Variants in IGF2BP1 observed in about 807,000 individuals in gnomAD.
IGF2BP1 encodes insulin-like growth factor 2 mRNA-binding protein 1.
A neutral mutation model predicts 74.9 loss-of-function variants in IGF2BP1; 11 were observed. The observed-to-expected ratio is 0.15, with a 90% CI of 0.09 to 0.24. IGF2BP1 has a LOEUF of 0.24. Among genes scored for constraint, IGF2BP1 ranks in the 10% least tolerant of loss-of-function variants. IGF2BP1 has a pLI of 1.00. For missense variants in IGF2BP1, 440 were observed against 757.4 expected, an observed-to-expected ratio of 0.58 and a Z score of 4.92; for synonymous variants, 287 against 281.8, an observed-to-expected ratio of 1.02 and a Z score of -0.18.
intron 2 of IGF2BP1, among the ~76,000 whole-genome samples, chr17:49,015,321 C>CCG (rs1567813517): frequency 1.3e-5 from 2 of 152,134 alleles, no homozygotes; most frequent in African/African-American, 4.8e-5. Context: ...GCATCTCCAC[C>CCG]GGGGGCGAGT....
chr17:49,008,172 C>CAAAAAAAAAAAAAA (rs78718299), intron 2 of IGF2BP1, among the ~76,000 whole-genome samples: 1 of 90,234 alleles, frequency 1.1e-5, no homozygotes. Flanking sequence ...AATTCCATCT[C>CAAAAAAAAAAAAAA]AAAAAAAAAA....
At chr17:49,034,764 A>AC (rs1491163794) in intron 5 of IGF2BP1, among the ~76,000 whole-genome samples, 24 of 143,646 alleles carry the variant, frequency 1.7e-4, no homozygotes, top group Admixed American at 2.0e-4. Flanking sequence ...AACAAAAAAA[A>AC]CAAAAAAAAC....
chr17:49,035,168 A>T (rs1454711246), intron 5 of IGF2BP1, among the ~76,000 whole-genome samples: 1 of 152,236 alleles, frequency 6.6e-6, no homozygotes, highest in Non-Finnish European at 1.5e-5. Flanking sequence ...TTTTCACACA[A>T]AGTGCTAAAA....
intron 5 of IGF2BP1, among the ~76,000 whole-genome samples, chr17:49,033,979 T>C (rs1220873741): frequency 4.0e-5 from 6 of 151,706 alleles, no homozygotes; most frequent in African/African-American, 1.2e-4. Flanking sequence ...ACCACCATGC[T>C]GGGCCAATTT....
intron 5 of IGF2BP1, among the ~76,000 whole-genome samples, chr17:49,034,759 A>AAC (rs2041967264): frequency 5.0e-5 from 7 of 140,942 alleles, no homozygotes; most frequent in African/African-American, 2.0e-4. Context: ...AAAAAAACAA[A>AAC]AAAAACAAAA....
At chr17:49,021,715 G>A (rs540489870) in intron 2 of IGF2BP1, among the ~76,000 whole-genome samples, 1 of 152,302 alleles carries the variant, frequency 6.6e-6, no homozygotes, top group Admixed American at 6.5e-5. Flanking sequence ...AGGGACTAAT[G>A]AACTCAGAGT....
In IGF2BP1 at chr17:49,005,660, G is replaced by A. The variant is rs376854031; in HGVS notation, c.236+6491G>A. On this transcript the variant is annotated intron_variant, in intron 2 of 14. Coordinates refer to ENST00000290341, the MANE Select transcript of IGF2BP1 (RefSeq NM_006546.4). ...TCTCTTTCCCTTTCTACCATGTCTG[G>A]TTAGTGGATTCTAGTCAATCCTCTC... Among the ~76,000 whole-genome samples the A allele has an allele frequency of 2.6e-5, 4 of 152,272 alleles. No individual in the cohort carries two copies. In the East Asian group the frequency reaches 5.8e-4, roughly 22 times the overall value.
intron 2 of IGF2BP1, among the ~76,000 whole-genome samples, chr17:49,005,526 A>G (rs1188462283): frequency 6.6e-6 from 1 of 152,142 alleles, no homozygotes; most frequent in Non-Finnish European, 1.5e-5. Context: ...CATGTAAGGG[A>G]TGGTGTCTGA....
At position 49,040,059 on chromosome 17, in the gene IGF2BP1, G is replaced by A; in HGVS notation, c.786G>A (p.Glu262=). Residue 262 remains glutamate, a synonymous_variant, in exon 7 of 15, where the codon GAG becomes GAA. Transcript: ENST00000290341. ...GCSSACKMIL[E]IMHKEAKDTK... ...CCTCCGCTTGTAAGATGATCTTGGA[G>A]ATTATGCATAAAGAGGCTAAGGACA... 1.9e-6 allele frequency: 3 copies of A among 1,614,126 alleles called. No homozygotes were observed. Among genetic ancestry groups the A allele is most frequent in the Non-Finnish European group, 2.5e-6 (3 of 1,180,028 alleles).
intron 2 of IGF2BP1, among the ~76,000 whole-genome samples, chr17:49,009,592 C>T (rs550879539): frequency 4.1e-4 from 62 of 151,462 alleles, no homozygotes; most frequent in African/African-American, 1.4e-3. Context: ...GCCTGTAATC[C>T]CAGCAACTCT....
At position 49,046,315 on chromosome 17, in the gene IGF2BP1, C is replaced by A; in HGVS notation, c.1583C>A (p.Thr528Asn). 1 of 1,614,132 alleles carries A rather than the reference C, an allele frequency of 6.2e-7. No individual in the cohort carries two copies. The highest frequency in any genetic ancestry group is 8.5e-7 in the Non-Finnish European group (1 of 1,180,026). Residue 528 changes from threonine (T) to asparagine (N), a missense_variant, in exon 14 of 15, where the codon ACC becomes AAC. Thr to Asn is a moderately conservative substitution (Grantham distance 65, BLOSUM62 0). Transcript: ENST00000290341. ...GAGGTGGTAGTACCAAGAGACCAGACCCCTGATGAGAACGACCAGGTCATC... is the reference window on the plus strand; with the variant it reads ...GAGGTGGTAGTACCAAGAGACCAGAACCCTGATGAGAACGACCAGGTCATC... ...AAEVVVPRDQ[T>N]PDENDQVIVK...
At chr17:48,999,239 T>C (rs561927842) in intron 2 of IGF2BP1, 70 bp downstream of exon 2, 3 of 906,750 alleles carry the variant, frequency 3.3e-6, no homozygotes, top group East Asian at 2.5e-5. Flanking sequence ...TGTTCAGGGG[T>C]CCATAGCGTC....
In IGF2BP1 at chr17:49,056,113, T is replaced by A. The variant is rs2042227785; in HGVS notation, c.*6669T>A. On this transcript the variant is annotated 3_prime_UTR_variant, in exon 15 of 15. Transcript: ENST00000290341. ...ACCACTTCATTTTGCTGTTTCAATTTCAAAATAAAAGGAAACTTATATTGA... is the reference window on the plus strand; with the variant it reads ...ACCACTTCATTTTGCTGTTTCAATTACAAAATAAAAGGAAACTTATATTGA... Among the ~76,000 whole-genome samples the A allele has an allele frequency of 6.6e-6, 1 of 152,148 alleles. No homozygotes were observed. The highest frequency in any genetic ancestry group is 2.1e-4 in the South Asian group (1 of 4,826).
At chr17:49,024,915 G>A (rs993994196) in intron 2 of IGF2BP1, among the ~76,000 whole-genome samples, 12 of 152,164 alleles carry the variant, frequency 7.9e-5, no homozygotes, top group African/African-American at 2.9e-4. Context: ...TCTTGGGCCG[G>A]GTGTTGTGGC....
At chr17:49,014,170 G>A (rs2041661206) in intron 2 of IGF2BP1, 1 of 151,540 alleles carries the variant, frequency 6.6e-6, no homozygotes, top group Non-Finnish European at 1.5e-5. Context: ...GCCCTTCCCA[G>A]GCACCGCACT....
rs2042202664 is a variant in IGF2BP1, at chr17:49,054,463, A to G, written c.*5019A>G. 1 of 152,576 alleles carries G rather than the reference A, an allele frequency of 6.6e-6. No homozygotes were observed. Among genetic ancestry groups the G allele is most frequent in the African/African-American group, 2.4e-5 (1 of 41,424 alleles). The allele number at this position is 152,576 out of a possible 1,614,324, so 9.5% of individuals were successfully genotyped here. On this transcript the variant is annotated 3_prime_UTR_variant, in exon 15 of 15. Transcript: ENST00000290341. ...GGACAAGTGAGTTGAGGCTTGTGCC[A>G]CAAAAGGTTTGTCCTTGGGGAACAG...
At chr17:49,046,146 C>A in intron 13 of IGF2BP1, 114 bp from the exon 14 acceptor site, 1 of 1,446,030 alleles carries the variant, frequency 6.9e-7, no homozygotes, top group Non-Finnish European at 9.6e-7. Flanking sequence ...TTCTACTCCC[C>A]AAGCTCAGGT....
rs776145455 is a variant in IGF2BP1 at position 49,042,389 on chromosome 17, G to A, written c.1077+12G>A. 4 of 1,613,950 alleles carry A rather than the reference G, an allele frequency of 2.5e-6. No homozygotes were observed. The Admixed American group carries it at 5.0e-5, about 20-fold the overall frequency. ...TGGCTGCCATGAGCGTGAGTGCTGG[G>A]TAGTACCCTCTGCTTATCCTTTCCT... On this transcript the variant is annotated intron_variant, in intron 9 of 14. Transcript: ENST00000290341.
At chr17:49,041,352 TCCAC>T in intron 7 of IGF2BP1, 22 bp from the exon 8 acceptor site, 1 of 1,613,062 alleles carries the variant, frequency 6.2e-7, no homozygotes, top group South Asian at 1.1e-5. Flanking sequence ...ACTCTTGTCT[TCCAC>T]TTCTTCCTTT....
Sources: allele counts gnomAD v4.1 joint callset (sites outside exome capture counted in the v4.1 genomes callset), GRCh38; gene constraint gnomAD v4.1.1; transcripts MANE v1.5; gene names NCBI Gene and HGNC (gene_info 2026-07-23, HGNC 2026-07-21).